GUF1: variants seen among roughly 807,000 people sequenced by gnomAD.
GUF1 encodes translation factor GUF1, mitochondrial.
Under a neutral mutation model 82.4 loss-of-function variants are expected in GUF1, and 78 were observed. The ratio of observed to expected loss-of-function variants is 0.95; its 90% CI spans 0.79 to 1.14. The LOEUF is 1.14. GUF1 is among the 50% of genes most tolerant of loss of function. The probability of loss-of-function intolerance (pLI) is 0.00; values close to 1 mark genes in which losing one functional copy is unlikely to be tolerated. For synonymous variants in GUF1, 279 were observed against 282.3 expected, an observed-to-expected ratio of 0.99 and a Z score of 0.12; for missense variants, 814 against 798.2, an observed-to-expected ratio of 1.02 and a Z score of -0.24.
chr4:44,686,431 ATATC>A (rs777502699), intron 7 of GUF1, 75 bp from the exon 8 acceptor site: 4 of 858,240 alleles, frequency 4.7e-6, no homozygotes, highest in African/African-American at 3.4e-5. Context: ...CTCAAGTACA[ATATC>A]TAAGTTGAAA....
At chr4:44,690,675 T>C in intron 11 of GUF1, 42 bp from the exon 12 acceptor site, 1 of 1,165,080 alleles carries the variant, frequency 8.6e-7, no homozygotes, top group South Asian at 1.5e-5. Flanking sequence ...TGATAATCAT[T>C]ATATTAAGAT....
At position 44,678,547 on chromosome 4, in the gene GUF1, G is replaced by A; in HGVS notation, c.-76G>A. On this transcript the variant is annotated 5_prime_UTR_variant, in exon 1 of 17. Transcript: ENST00000281543. ...GTCCTGTCCACCGGATCCTACGGGG[G>A]GTACCTTCGAAAAAAAACGGGCTAT... is the stretch of plus-strand genomic sequence containing the variant. The A allele has an allele frequency of 1.7e-6, 2 of 1,190,536 alleles. No homozygotes were observed. 73.7% of individuals were successfully genotyped at this position (1,190,536 alleles called of 1,614,324 possible).
At chr4:44,684,498 C>T (rs1714942161) in intron 6 of GUF1, among the ~76,000 whole-genome samples, 2 of 151,986 alleles carry the variant, frequency 1.3e-5, no homozygotes, top group Admixed American at 1.3e-4. Flanking sequence ...TATTCTAAGA[C>T]AATGGAAGGA....
intron 4 of GUF1, among the ~76,000 whole-genome samples, chr4:44,681,908 G>A (rs1457766109): frequency 6.6e-6 from 1 of 152,086 alleles, no homozygotes; most frequent in Non-Finnish European, 1.5e-5. Flanking sequence ...GAGAGTCCAT[G>A]TTACATCTTT....
At chr4:44,696,027 CT>C in intron 15 of GUF1, among the ~76,000 whole-genome samples, 1 of 152,028 alleles carries the variant, frequency 6.6e-6, no homozygotes, top group East Asian at 1.9e-4. Flanking sequence ...TAAGGAATTT[CT>C]TTTATGGTTT....
chr4:44,683,103 G>T, intron 5 of GUF1, 132 bp from the exon 6 acceptor site: 1 of 515,396 alleles, frequency 1.9e-6, no homozygotes, highest in Non-Finnish European at 3.4e-6. Context: ...TTATTTTACT[G>T]CTTTTGAAAA....
intron 16 of GUF1, among the ~76,000 whole-genome samples, chr4:44,698,211 T>G (rs1715968151): frequency 6.6e-6 from 1 of 152,122 alleles, no homozygotes; most frequent in African/African-American, 2.4e-5. Context: ...AAAGGCACAT[T>G]TATTCCTATG....
chr4:44,690,845 A>G lies in GUF1; in HGVS notation c.1464A>G (p.Ile488Met). 1 of 1,594,940 alleles carries G rather than the reference A, an allele frequency of 6.3e-7. No individual in the cohort carries two copies. The highest frequency in any genetic ancestry group is 8.5e-7 in the Non-Finnish European group (1 of 1,169,960). ...IITPDEYTGK[I>M]MMLCEARRAV... ...CACCAGATGAATACACTGGAAAAATAATGATGCTTTGCGAGGTATAACTAT... is the reference window on the plus strand; with the variant it reads ...CACCAGATGAATACACTGGAAAAATGATGATGCTTTGCGAGGTATAACTAT... The change falls in exon 12 of 17, where the codon ATA becomes ATG. Residue 488 changes from isoleucine (I) to methionine (M), a missense_variant. Ile to Met is a conservative substitution (Grantham distance 10, BLOSUM62 1). Transcript: ENST00000281543.
rs536519772 is a variant in GUF1 at position 44,686,096 on chromosome 4, A to G, written c.734+73A>G. 449 of 984,482 alleles carry G rather than the reference A, an allele frequency of 4.6e-4. 3 individuals carry two copies. In the South Asian group the frequency reaches 5.7e-3, roughly 13 times the overall value. The allele number at this position is 984,482 out of a possible 1,614,324, so 61.0% of individuals were successfully genotyped here. A position where few individuals can be genotyped will look rare whatever the true frequency, so the allele number is the denominator to read the frequency against. ...AAAAACTGTCCATGTTTAATAGTTC[A>G]AAGACTGTCAGCTTGAACTGTTATT... On this transcript the variant is annotated intron_variant, in intron 7 of 16. Coordinates refer to ENST00000281543, the MANE Select transcript of GUF1 (RefSeq NM_021927.3).
At position 44,696,639 on chromosome 4, in the gene GUF1, A is replaced by G. The variant is rs149931704; in HGVS notation, c.1836-769A>G. 3.7e-3 allele frequency among the ~76,000 whole-genome samples: 559 copies of G among 152,306 alleles called. 2 individuals carry two copies. Among genetic ancestry groups the G allele is most frequent in the African/African-American group, 0.012 (507 of 41,556 alleles). ...AATGAGGAAATACAACCATCATGTT[A>G]ATATAGACTTGAGGTTAATTTTAGG... is the stretch of plus-strand genomic sequence containing the variant. On this transcript the variant is annotated intron_variant, in intron 15 of 16. Coordinates refer to ENST00000281543, the MANE Select transcript of GUF1 (RefSeq NM_021927.3).
At chr4:44,683,771 GATTTT>G (rs1419399710) in intron 6 of GUF1, among the ~76,000 whole-genome samples, 1 of 151,968 alleles carries the variant, frequency 6.6e-6, no homozygotes, top group Non-Finnish European at 1.5e-5. Context: ...GGAAACAATA[GATTTT>G]ATTTATACCA....
intron 8 of GUF1, 103 bp downstream of exon 8, chr4:44,686,816 T>TA (rs996580913): frequency 3.8e-5 from 29 of 759,934 alleles, no homozygotes; most frequent in Non-Finnish European, 5.1e-5. Flanking sequence ...TTTGGTAACT[T>TA]AAAAAAAACT....
chr4:44,688,009 A>G lies in GUF1; in HGVS notation c.941A>G (p.Tyr314Cys). Residue 314 changes from tyrosine (Y) to cysteine (C), a missense_variant and splice_region_variant, in exon 9 of 17, where the codon TAT becomes TGT. Coordinates refer to ENST00000281543, the MANE Select transcript of GUF1 (RefSeq NM_021927.3). The part of the protein sequence containing the change: ...NPNEQPTHKL[Y>C]AGQVGYLIAG... ...TTGCATATAATAATTTTATTTAGAT[A>G]TGCAGGACAGGTGGGCTATCTGATT... is the stretch of plus-strand genomic sequence containing the variant. 6.2e-7 allele frequency: 1 copy of G among 1,610,938 alleles called. No homozygotes were observed. Among genetic ancestry groups the G allele is most frequent in the Non-Finnish European group, 8.5e-7 (1 of 1,177,852 alleles).
intron 11 of GUF1, 132 bp downstream of exon 11, chr4:44,690,107 T>G: frequency 1.9e-6 from 1 of 540,452 alleles, no homozygotes; most frequent in South Asian, 7.5e-5. Flanking sequence ...AACAAAATAT[T>G]TATTGATTAG....
At chr4:44,697,372 G>T in intron 15 of GUF1, 36 bp from the exon 16 acceptor site, 1 of 1,422,424 alleles carries the variant, frequency 7.0e-7, no homozygotes, top group Non-Finnish European at 9.7e-7. Context: ...CAGTATAATG[G>T]AATTATGTAC....
At chr4:44,685,343 T>C (rs530760314) in intron 6 of GUF1, among the ~76,000 whole-genome samples, 1 of 152,236 alleles carries the variant, frequency 6.6e-6, no homozygotes, top group South Asian at 2.1e-4. Context: ...CAAAGAATTA[T>C]CTGGCCCAAA....
intron 1 of GUF1, 130 bp from the exon 2 acceptor site, chr4:44,680,311 T>G (rs1714687509): frequency 1.9e-6 from 1 of 531,206 alleles, no homozygotes; most frequent in East Asian, 3.1e-5. Context: ...TTTCTTAGAA[T>G]AATAATATAA....
At chr4:44,682,161 G>T in intron 4 of GUF1, 173 bp from the exon 5 acceptor site, 1 of 393,812 alleles carries the variant, frequency 2.5e-6, no homozygotes, top group Non-Finnish European at 4.7e-6. Context: ...TGACCCCAAA[G>T]ACATAAGTTG....
chr4:44,678,771 G>A lies in GUF1; in HGVS notation c.149G>A (p.Ser50Asn). ...TCCTGGGCTACCGACAGGCTCTACA[G>A]CTCCGCAGAATTCAAGGTGACTGCC... Reference protein sequence around the residue: ...PESWATDRLYSSAEFKEKLDM... With the variant: ...PESWATDRLYNSAEFKEKLDM... Residue 50 changes from serine (S) to asparagine (N), a missense_variant, in exon 1 of 17, where the codon AGC becomes AAC. Physicochemically the swap from Ser to Asn is conservative, Grantham distance 46 (BLOSUM62 1). Coordinates refer to ENST00000281543, the MANE Select transcript of GUF1 (RefSeq NM_021927.3). 1 of 1,554,110 alleles carries A rather than the reference G, an allele frequency of 6.4e-7. No individual in the cohort carries two copies. Among genetic ancestry groups the A allele is most frequent in the Non-Finnish European group, 8.6e-7 (1 of 1,156,958 alleles).
Sources: gnomAD v4.1 joint callset for allele counts (sites outside exome capture counted in the v4.1 genomes callset) on GRCh38, gnomAD v4.1.1 for gene constraint, MANE v1.5 for transcripts, NCBI Gene and HGNC (gene_info 2026-07-23, HGNC 2026-07-21) for gene names.